ARHGAP35: variants seen among roughly 807,000 people sequenced by gnomAD.
ARHGAP35 encodes Rho GTPase activating protein 35.
ARHGAP35 carries 15 observed loss-of-function variants against 111.1 expected under a neutral mutation model. That is an observed-to-expected ratio of 0.13 (90% CI 0.09 to 0.21). The LOEUF (loss-of-function observed/expected upper bound fraction) is 0.21, where lower values mean the gene tolerates loss of function less well. ARHGAP35 is among the 10% of genes least tolerant of loss of function. ARHGAP35 has a pLI of 1.00. For missense variants in ARHGAP35, 1,262 were observed against 1,873.0 expected, an observed-to-expected ratio of 0.67 and a Z score of 6.02; for synonymous variants, 643 against 710.3, an observed-to-expected ratio of 0.91 and a Z score of 1.51.
intron 1 of ARHGAP35, among the ~76,000 whole-genome samples, chr19:46,874,520 T>TC (rs1201826028): frequency 6.7e-6 from 1 of 149,934 alleles, no homozygotes; most frequent in Non-Finnish European, 1.5e-5. Flanking sequence ...TTTTTTTTTT[T>TC]TGAGTCGGAG....
At chr19:46,936,586 C>T (rs1373619744) in intron 2 of ARHGAP35, among the ~76,000 whole-genome samples, 2 of 152,120 alleles carry the variant, frequency 1.3e-5, no homozygotes, top group African/African-American at 4.8e-5. Context: ...GAGTATGTAA[C>T]ATCTATTATC....
chr19:46,918,714 C>T lies in ARHGAP35; in HGVS notation c.39C>T (p.Thr13=), dbSNP rs746050831. The change falls in exon 2 of 7, where the codon ACC becomes ACT. Residue 13 remains threonine, a synonymous_variant. Transcript: ENST00000672722. The surrounding 1 kb of genome is among the most constrained non-coding windows in gnomAD (Gnocchi z 5.4). ...GAAAGCAAGATGTCCGAATTCCCAC[C>T]TACAACATCAGTGTGGTGGGATTAT... ...MARKQDVRIP[T]YNISVVGLSG... is the part of the protein sequence containing the mutation. 4 of 1,613,736 alleles carry T rather than the reference C, an allele frequency of 2.5e-6. No individual in the cohort carries two copies. Among genetic ancestry groups the T allele is most frequent in the Admixed American group, 3.3e-5 (2 of 59,986 alleles).
chr19:46,940,064 G>T (rs1442134826), intron 3 of ARHGAP35, among the ~76,000 whole-genome samples: 3 of 151,498 alleles, frequency 2.0e-5, no homozygotes, highest in Admixed American at 2.0e-4. Flanking sequence ...GTGAAACCCC[G>T]TCTCTACTAA....
chr19:46,989,629 C>T lies in ARHGAP35; in HGVS notation c.3990C>T (p.Asp1330=). The change falls in exon 5 of 7, where the codon GAC becomes GAT. Residue 1330 remains aspartate (D), a synonymous_variant. Coordinates refer to ENST00000672722, the MANE Select transcript of ARHGAP35 (RefSeq NM_004491.5). The surrounding 1 kb of genome is among the most constrained non-coding windows in gnomAD (Gnocchi z 5.3). ...AMKSFFSELP[D]PLVPYNMQID... ...AGAGCTTTTTCTCAGAACTGCCTGA[C>T]CCCCTGGTCCCGTATAACATGCAGA... The T allele has an allele frequency of 6.2e-7, 1 of 1,613,900 alleles. No homozygotes were observed. Among genetic ancestry groups the T allele is most frequent in the Non-Finnish European group, 8.5e-7 (1 of 1,179,834 alleles).
At chr19:46,903,774 A>G (rs1404820248) in intron 1 of ARHGAP35, among the ~76,000 whole-genome samples, 1 of 152,250 alleles carries the variant, frequency 6.6e-6, no homozygotes, top group South Asian at 2.1e-4. Context: ...CTCTTATCTA[A>G]AGGAAAATCA....
At chr19:46,934,565 C>CT (rs1442286502) in intron 2 of ARHGAP35, among the ~76,000 whole-genome samples, 1 of 152,162 alleles carries the variant, frequency 6.6e-6, no homozygotes, top group Non-Finnish European at 1.5e-5. Flanking sequence ...CAGGGTTTCA[C>CT]TATGTTGGCC....
At chr19:46,940,231 T>C (rs2056338462) in intron 3 of ARHGAP35, among the ~76,000 whole-genome samples, 1 of 152,012 alleles carries the variant, frequency 6.6e-6, no homozygotes, top group African/African-American at 2.4e-5. Context: ...TGGTGGTGCA[T>C]GCCTGTAATC....
rs564272897 is a variant in ARHGAP35, at chr19:46,917,652, G to T, written c.-188-836G>T. On this transcript the variant is annotated intron_variant, in intron 1 of 6. Transcript: ENST00000672722. ...AAGGTTGAATAATATTATATTGTAT[G>T]TATATATCACATTTTGCTTATCCAT... Among the ~76,000 whole-genome samples, 6 of 152,246 alleles carry T rather than the reference G, an allele frequency of 3.9e-5. No individual in the cohort carries two copies. In the South Asian group the frequency reaches 8.3e-4, roughly 21 times the overall value.
chr19:46,883,686 A>G (rs1296409340), intron 1 of ARHGAP35, among the ~76,000 whole-genome samples: 1 of 152,222 alleles, frequency 6.6e-6, no homozygotes, highest in Non-Finnish European at 1.5e-5. Context: ...TGCTCAAGAC[A>G]GGGTTGCCAA....
At chr19:46,996,447 C>T (rs868563389) in intron 5 of ARHGAP35, among the ~76,000 whole-genome samples, 5 of 151,964 alleles carry the variant, frequency 3.3e-5, no homozygotes, top group Admixed American at 2.6e-4. Context: ...ACCCCTGCCC[C>T]TCCCCACCCC....
At chr19:46,974,227 T>C (rs2056567815) in intron 3 of ARHGAP35, among the ~76,000 whole-genome samples, 1 of 152,220 alleles carries the variant, frequency 6.6e-6, no homozygotes, top group Non-Finnish European at 1.5e-5. Flanking sequence ...TAGCAATTCA[T>C]TTAATTCTGA....
chr19:46,884,274 T>C (rs1419555918), intron 1 of ARHGAP35, among the ~76,000 whole-genome samples: 1 of 152,014 alleles, frequency 6.6e-6, no homozygotes, highest in African/African-American at 2.4e-5. Flanking sequence ...TTGTGCCAAC[T>C]ACACTCCAGC....
intron 3 of ARHGAP35, among the ~76,000 whole-genome samples, chr19:46,960,124 A>AG (rs958707054): frequency 4.0e-5 from 6 of 151,370 alleles, no homozygotes; most frequent in African/African-American, 1.2e-4. Context: ...AAAAAAAAAA[A>AG]AAAGAAAGAA....
At chr19:46,870,649 A>G (rs1405940146) in intron 1 of ARHGAP35, among the ~76,000 whole-genome samples, 1 of 152,122 alleles carries the variant, frequency 6.6e-6, no homozygotes, top group Non-Finnish European at 1.5e-5. Context: ...CCTTTGATAA[A>G]TGAGGAAGAA....
chr19:46,861,846 C>T (rs567358648), intron 1 of ARHGAP35, among the ~76,000 whole-genome samples: 1 of 152,184 alleles, frequency 6.6e-6, no homozygotes, highest in East Asian at 1.9e-4. Context: ...ATCTGAGACC[C>T]CTGTTCGGCC....
chr19:46,920,963 G>A lies in ARHGAP35; in HGVS notation c.2288G>A (p.Arg763His), dbSNP rs759414604. The change falls in exon 2 of 7, where the codon CGT (arginine) becomes CAT (histidine). Residue 763 changes from arginine (R) to histidine (H), a missense_variant. Physicochemically the swap from Arg to His is conservative, Grantham distance 29. Coordinates refer to ENST00000672722, the MANE Select transcript of ARHGAP35 (RefSeq NM_004491.5). The surrounding 1 kb of genome is among the most constrained non-coding windows in gnomAD (Gnocchi z 7.0). Reference protein sequence around the residue: ...QVLKGLLDSKRNLNLVSSTAS... With the variant: ...QVLKGLLDSKHNLNLVSSTAS... Reference sequence around the variant, plus strand: ...TTGAAGGGACTCCTGGACTCTAAGCGTAACTTAAACCTGGTCAGTTCTACT... The same window carrying A: ...TTGAAGGGACTCCTGGACTCTAAGCATAACTTAAACCTGGTCAGTTCTACT... The A allele has an allele frequency of 8.1e-6, 13 of 1,613,968 alleles. No homozygotes were observed. Among genetic ancestry groups the A allele is most frequent in the East Asian group, 6.7e-5 (3 of 44,886 alleles).
In ARHGAP35 at chr19:47,001,012, G is replaced by T. The variant is rs2056745573; in HGVS notation, c.*324G>T. 3.4e-6 allele frequency: 5 copies of T among 1,460,176 alleles called. No homozygotes were observed. In the South Asian group the frequency reaches 6.1e-5, roughly 18 times the overall value. The allele number at this position is 1,460,176 out of a possible 1,614,324, so 90.5% of individuals were successfully genotyped here. A position where few individuals can be genotyped will look rare whatever the true frequency, so the allele number is the denominator to read the frequency against. On this transcript the variant is annotated 3_prime_UTR_variant, in exon 7 of 7. Coordinates refer to ENST00000672722, the MANE Select transcript of ARHGAP35 (RefSeq NM_004491.5). The surrounding 1 kb of genome is among the most constrained non-coding windows in gnomAD (Gnocchi z 5.4). ...CACCAGCCTCCGGGTGCCTCCCTCT[G>T]CTTGTACAGAGCCCATGGTCGGGAC...
At chr19:46,929,578 G>A (rs2056259394) in intron 2 of ARHGAP35, among the ~76,000 whole-genome samples, 1 of 134,478 alleles carries the variant, frequency 7.4e-6, no homozygotes, top group Non-Finnish European at 1.6e-5. Flanking sequence ...CGTATATGGT[G>A]TTACCTGTTA....
At chr19:46,865,535 C>G (rs146798055) in intron 1 of ARHGAP35, among the ~76,000 whole-genome samples, 1 of 152,108 alleles carries the variant, frequency 6.6e-6, no homozygotes, top group African/African-American at 2.4e-5. Context: ...ATCCATGGAC[C>G]TGATGGTGAC....
Sources: allele counts gnomAD v4.1 joint callset (sites outside exome capture counted in the v4.1 genomes callset), GRCh38; gene constraint gnomAD v4.1.1; non-coding constraint Gnocchi (gnomAD v3.1); transcripts MANE v1.5; gene names NCBI Gene and HGNC (gene_info 2026-07-23, HGNC 2026-07-21).